The following DDAH1 variants were observed in gnomAD, a reference collection of about 807,000 sequenced individuals.
DDAH1 encodes the protein dimethylarginine dimethylaminohydrolase 1.
DDAH1 carries 19 observed loss-of-function variants against 28.8 expected under a neutral mutation model. That is an observed-to-expected ratio of 0.66 (90% CI 0.46 to 0.97). The LOEUF is 0.97. Among genes scored for constraint, DDAH1 ranks in the 50% least tolerant of loss-of-function variants. The pLI, the probability that DDAH1 is intolerant of heterozygous loss-of-function variation, is 0.00. For synonymous variants in DDAH1, 153 were observed against 154.4 expected (o/e 0.99, Z 0.07); for missense variants, 326 against 375.9 (o/e 0.87, Z 1.10).
At chr1:85,337,217 T>C (rs1401037889) in intron 4 of DDAH1, among the ~76,000 whole-genome samples, 1 of 152,238 alleles carries the variant, frequency 6.6e-6, no homozygotes, top group Non-Finnish European at 1.5e-5. Context: ...TATTTTGCTG[T>C]ACTTAGGTGT....
chr1:85,569,562 T>G (rs1659393299), intron 1 of DDAH1, among the ~76,000 whole-genome samples: 1 of 152,192 alleles, frequency 6.6e-6, no homozygotes, highest in Non-Finnish European at 1.5e-5. Context: ...TTCTGTCACT[T>G]TAGAAGTTTT....
intron 1 of DDAH1, among the ~76,000 whole-genome samples, chr1:85,365,994 ATCT>A (rs759175888): frequency 3.8e-4 from 58 of 152,126 alleles, no homozygotes; most frequent in Admixed American, 1.8e-3. Context: ...AGATGTTCTG[ATCT>A]TCTGTTTTGA....
intron 1 of DDAH1, among the ~76,000 whole-genome samples, chr1:85,378,241 C>T (rs1285363506): frequency 6.6e-6 from 1 of 152,098 alleles, no homozygotes; most frequent in African/African-American, 2.4e-5. Context: ...TAGTTTCTCC[C>T]TAAATATGCC....
chr1:85,523,623 C>A (rs1219210524), intron 1 of DDAH1, among the ~76,000 whole-genome samples: 2 of 151,918 alleles, frequency 1.3e-5, no homozygotes, highest in East Asian at 3.9e-4. Context: ...TACTTCAGAG[C>A]CTCATCTTTA....
intron 1 of DDAH1, chr1:85,398,594 A>G (rs984892128): frequency 6.6e-5 from 10 of 152,210 alleles, no homozygotes; most frequent in Non-Finnish European, 1.2e-4. Context: ...TGTGCGTGCC[A>G]TACAGAGAGT....
chr1:85,463,772 C>T (rs962083807), intron 1 of DDAH1, among the ~76,000 whole-genome samples: 1 of 152,018 alleles, frequency 6.6e-6, no homozygotes, highest in Non-Finnish European at 1.5e-5. Context: ...TGAAAGAAAC[C>T]ACTAGCTTCT....
upstream of DDAH1, chr1:85,467,748 T>C (rs933592524): frequency 6.6e-6 from 1 of 152,242 alleles, no homozygotes; most frequent in Non-Finnish European, 1.5e-5. Flanking sequence ...TACATTGATA[T>C]GTTCATTTTT....
At chr1:85,390,414 C>T (rs1246584773) in intron 1 of DDAH1, among the ~76,000 whole-genome samples, 1 of 152,168 alleles carries the variant, frequency 6.6e-6, no homozygotes, top group African/African-American at 2.4e-5. Context: ...ATTATAGGAA[C>T]TACAAGATGA....
At chr1:85,355,479 A>G (rs233088) in intron 2 of DDAH1, among the ~76,000 whole-genome samples, 8,270 of 152,266 alleles carry the variant, frequency 0.054, 777 homozygotes, top group African/African-American at 0.19. Context: ...TGTGTTAAAA[A>G]GAGAATACAT....
intron 1 of DDAH1, among the ~76,000 whole-genome samples, chr1:85,497,265 A>C (rs1656631290): frequency 6.6e-6 from 1 of 152,218 alleles, no homozygotes; most frequent in Non-Finnish European, 1.5e-5. Flanking sequence ...CACAAATAGC[A>C]CTAAGAATGC....
intron 5 of DDAH1, among the ~76,000 whole-genome samples, chr1:85,321,998 C>T (rs555082998): frequency 3.9e-5 from 6 of 152,258 alleles, no homozygotes; most frequent in African/African-American, 1.2e-4. Flanking sequence ...ACTGCAGCCT[C>T]AACTTCCCAG....
At chr1:85,335,317 T>C (rs1192460880) in intron 4 of DDAH1, among the ~76,000 whole-genome samples, 2 of 152,126 alleles carry the variant, frequency 1.3e-5, no homozygotes, top group Non-Finnish European at 2.9e-5. Flanking sequence ...CTTAAAGATA[T>C]AGAGTGGCTG....
At chr1:85,536,546 C>T (rs1658284785) in intron 1 of DDAH1, among the ~76,000 whole-genome samples, 1 of 152,068 alleles carries the variant, frequency 6.6e-6, no homozygotes, top group Non-Finnish European at 1.5e-5. Flanking sequence ...AGCAAGATTC[C>T]TTCTCAAAAC....
At chr1:85,541,544 GTGTT>G (rs1192645438) in intron 1 of DDAH1, among the ~76,000 whole-genome samples, 3 of 152,314 alleles carry the variant, frequency 2.0e-5, no homozygotes, top group Admixed American at 6.5e-5. Context: ...GCTTGTTCAT[GTGTT>G]TGTTTATGTT....
intron 1 of DDAH1, among the ~76,000 whole-genome samples, chr1:85,462,879 G>A (rs1227701430): frequency 6.6e-6 from 1 of 152,232 alleles, no homozygotes; most frequent in Non-Finnish European, 1.5e-5. Context: ...TCAGTGTATA[G>A]CTGACTTCTT....
chr1:85,439,738 C>G (rs1290541270), intron 1 of DDAH1, among the ~76,000 whole-genome samples: 1 of 152,150 alleles, frequency 6.6e-6, no homozygotes, highest in African/African-American at 2.4e-5. Context: ...TGGAAACTGT[C>G]AAAGTGAAAT....
rs761738044 is a variant in DDAH1 at position 85,321,527 on chromosome 1, G to A, written c.783C>T (p.Ser261=). 1.9e-6 allele frequency: 3 copies of A among 1,614,164 alleles called. No individual in the cohort carries two copies. The highest frequency in any genetic ancestry group is 3.3e-5 in the Admixed American group (2 of 60,032). Residue 261 remains serine (S), a synonymous_variant, in exon 6 of 6, where the codon AGC becomes AGT. Coordinates refer to ENST00000284031, the MANE Select transcript of DDAH1 (RefSeq NM_012137.4). ...KLKDHMLIPV[S]MSELEKVDGL... Reference sequence around the variant, plus strand: ...CATCCACCTTTTCCAGTTCAGACATGCTCACGGGGATCAGCATATGGTCCT... The same window carrying A: ...CATCCACCTTTTCCAGTTCAGACATACTCACGGGGATCAGCATATGGTCCT...
chr1:85,567,706 CA>C (rs1284845951), intron 1 of DDAH1, among the ~76,000 whole-genome samples: 6 of 152,140 alleles, frequency 3.9e-5, no homozygotes, highest in African/African-American at 1.4e-4. Context: ...ATCCATCTAA[CA>C]ACAGAAGTTC....
chr1:85,378,583 A>AT (rs1283667085), intron 1 of DDAH1, among the ~76,000 whole-genome samples: 2 of 151,906 alleles, frequency 1.3e-5, no homozygotes, highest in African/African-American at 4.8e-5. Context: ...TAATTTTTGT[A>AT]TTTTTTGTAG....
Sources: gnomAD v4.1 joint callset for allele counts (sites outside exome capture counted in the v4.1 genomes callset) on GRCh38, gnomAD v4.1.1 for gene constraint, MANE v1.5 for transcripts, NCBI Gene and HGNC (gene_info 2026-07-23, HGNC 2026-07-21) for gene names.